PRKG1: variants seen among roughly 807,000 people sequenced by gnomAD.
The protein encoded by PRKG1 is protein kinase cGMP-dependent 1.
A neutral mutation model predicts 88.1 loss-of-function variants in PRKG1; 35 were observed. The ratio of observed to expected loss-of-function variants is 0.40; its 90% confidence interval spans 0.30 to 0.53. The LOEUF is 0.53. Ranked by LOEUF, PRKG1 falls within the 20% of genes least tolerant of loss-of-function variation. The probability of loss-of-function intolerance (pLI) is 0.59; values close to 1 mark genes in which losing one functional copy is unlikely to be tolerated. For synonymous variants in PRKG1, 303 were observed against 292.5 expected, an observed-to-expected ratio of 1.04 and a Z score of -0.37; for missense variants, 540 against 839.8, an observed-to-expected ratio of 0.64 and a Z score of 4.41.
chr10:51,864,476 T>C (rs1239993057), intron 4 of PRKG1, among the ~76,000 whole-genome samples: 3 of 152,246 alleles, frequency 2.0e-5, no homozygotes, highest in Non-Finnish European at 4.4e-5. Flanking sequence ...AGCTAATCTG[T>C]TGACTCTCAC....
At chr10:51,729,183 T>C (rs1174370519) in intron 3 of PRKG1, among the ~76,000 whole-genome samples, 2 of 152,214 alleles carry the variant, frequency 1.3e-5, no homozygotes, top group Non-Finnish European at 2.9e-5. Flanking sequence ...TGTCCATTTG[T>C]CTTATGCAAG....
chr10:52,258,151 G>A (rs1178861614), intron 10 of PRKG1, among the ~76,000 whole-genome samples: 1 of 138,730 alleles, frequency 7.2e-6, no homozygotes, highest in East Asian at 2.1e-4. Flanking sequence ...CTTACAAGTA[G>A]TTGAAGTTAG....
intron 4 of PRKG1, among the ~76,000 whole-genome samples, chr10:51,817,058 A>C (rs1183648562): frequency 6.6e-6 from 1 of 152,180 alleles, no homozygotes; most frequent in East Asian, 1.9e-4. Flanking sequence ...ATTACACAGA[A>C]TTCTAAATTG....
intron 5 of PRKG1, among the ~76,000 whole-genome samples, chr10:52,047,483 T>TA (rs1845889536): frequency 6.6e-6 from 1 of 152,154 alleles, no homozygotes; most frequent in African/African-American, 2.4e-5. Context: ...AGATTTTACC[T>TA]AAAACCTTAT....
intron 5 of PRKG1, among the ~76,000 whole-genome samples, chr10:51,963,425 AT>A (rs1265567595): frequency 6.6e-6 from 1 of 152,040 alleles, no homozygotes; most frequent in African/African-American, 2.4e-5. Context: ...CTAGTGTCTT[AT>A]TTTAAATTAA....
At chr10:51,794,128 T>C (rs1041505720) in intron 3 of PRKG1, among the ~76,000 whole-genome samples, 5 of 152,110 alleles carry the variant, frequency 3.3e-5, no homozygotes, top group African/African-American at 1.2e-4. Flanking sequence ...ATAATGATAA[T>C]GGGATCAACC....
At chr10:51,666,499 T>A (rs539820914) in intron 3 of PRKG1, among the ~76,000 whole-genome samples, 16 of 152,350 alleles carry the variant, frequency 1.1e-4, no homozygotes, top group African/African-American at 3.8e-4. Flanking sequence ...TATTCCATTA[T>A]GCTTAATTTA....
At chr10:51,997,854 C>A (rs1360903827) in intron 5 of PRKG1, among the ~76,000 whole-genome samples, 1 of 151,920 alleles carries the variant, frequency 6.6e-6, no homozygotes, top group African/African-American at 2.4e-5. Flanking sequence ...TCTCTCTTTT[C>A]TTTTCTCCCC....
At position 50,994,401 on chromosome 10, in the gene PRKG1, ATTTTTTTTTT is replaced by A. The variant is rs562018970; in HGVS notation, c.266+2774_266+2783del. Among the ~76,000 whole-genome samples, 153 of 87,690 alleles carry A rather than the reference ATTTTTTTTTT, an allele frequency of 1.7e-3. 1 individual carries two copies. In the East Asian group the frequency reaches 0.04, roughly 23 times the overall value. 57.5% of individuals were successfully genotyped at this position (87,690 alleles called of 152,430 possible). A position where few individuals can be genotyped will look rare whatever the true frequency, so the allele number is the denominator to read the frequency against. ...TAGATATTCCATCACCTCACCTGTA[ATTTTTTTTTT>A]TTTTTTTTTTTTTTTTGAGGCGGAG... On this transcript the variant is annotated intron_variant, in intron 1 of 17. Coordinates refer to the PRKG1 transcript ENST00000401604.
chr10:51,081,827 G>A (rs1336049614), intron 1 of PRKG1, among the ~76,000 whole-genome samples: 1 of 152,194 alleles, frequency 6.6e-6, no homozygotes, highest in Non-Finnish European at 1.5e-5. Context: ...CACAGCCATA[G>A]CTCACTGCAG....
intron 4 of PRKG1, among the ~76,000 whole-genome samples, chr10:51,837,232 G>A (rs964121700): frequency 2.0e-5 from 3 of 152,110 alleles, no homozygotes; most frequent in African/African-American, 7.2e-5. Context: ...GGTAGAACTT[G>A]CTTTGATATG....
At chr10:51,499,051 T>C (rs558373025) in intron 3 of PRKG1, among the ~76,000 whole-genome samples, 3 of 152,248 alleles carry the variant, frequency 2.0e-5, no homozygotes, top group Non-Finnish European at 2.9e-5. Flanking sequence ...GAGAAGAATG[T>C]TAATTTATAA....
At chr10:52,052,337 G>A (rs2133250432) in intron 5 of PRKG1, among the ~76,000 whole-genome samples, 1 of 152,078 alleles carries the variant, frequency 6.6e-6, no homozygotes, top group South Asian at 2.1e-4. Flanking sequence ...GACTTGGGGA[G>A]GCCAAGGTGG....
intron 2 of PRKG1, among the ~76,000 whole-genome samples, chr10:51,411,318 T>A (rs777352732): frequency 1.1e-4 from 17 of 152,166 alleles, no homozygotes; most frequent in Non-Finnish European, 2.2e-4. Context: ...TAATTTTGAA[T>A]GCTAGATAAT....
chr10:51,316,163 T>C (rs943122271), intron 2 of PRKG1, among the ~76,000 whole-genome samples: 5 of 152,208 alleles, frequency 3.3e-5, no homozygotes, highest in Non-Finnish European at 1.5e-5. Flanking sequence ...CTAAGAGAGA[T>C]TCTCTTTAAG....
chr10:51,853,851 C>T (rs1432111395), intron 4 of PRKG1, among the ~76,000 whole-genome samples: 3 of 152,114 alleles, frequency 2.0e-5, no homozygotes, highest in African/African-American at 4.8e-5. Context: ...TCTAATCACA[C>T]ACTGGAATTT....
chr10:51,655,444 G>A (rs1408005971), intron 3 of PRKG1, among the ~76,000 whole-genome samples: 1 of 152,018 alleles, frequency 6.6e-6, no homozygotes, highest in African/African-American at 2.4e-5. Flanking sequence ...GAAAATATTT[G>A]CAATACTTAA....
At chr10:51,874,119 A>T (rs1421261050) in intron 4 of PRKG1, among the ~76,000 whole-genome samples, 2 of 152,186 alleles carry the variant, frequency 1.3e-5, no homozygotes, top group Non-Finnish European at 2.9e-5. Flanking sequence ...AGGCATATTC[A>T]CTAAATCTTG....
chr10:51,147,938 C>T (rs1845980420), intron 1 of PRKG1, among the ~76,000 whole-genome samples: 2 of 152,096 alleles, frequency 1.3e-5, no homozygotes, highest in South Asian at 4.1e-4. Context: ...TTTATGTGGG[C>T]TGGTTGGTAG....
Sources: gnomAD v4.1 joint callset for allele counts (sites outside exome capture counted in the v4.1 genomes callset) on GRCh38, gnomAD v4.1.1 for gene constraint, MANE v1.5 for transcripts, NCBI Gene and HGNC (gene_info 2026-07-23, HGNC 2026-07-21) for gene names.